SUPT20HL2: variants seen among roughly 807,000 people sequenced by gnomAD.
The protein encoded by SUPT20HL2 is transcription factor SPT20 homolog-like 2.
For missense variants in SUPT20HL2, 288 were observed against 127.4 expected (o/e 2.26, Z -6.07); for synonymous variants, 125 against 51.6 (o/e 2.42, Z -6.10).
chrX:24,314,062 C>A lies in SUPT20HL2; in HGVS notation c.-747G>T, dbSNP rs765497657. 1 of 363,226 alleles carries A rather than the reference C, an allele frequency of 2.8e-6. No homozygotes were observed. The allele number at this position is 363,226 out of a possible 1,213,427, so 29.9% of individuals were successfully genotyped here. On this transcript the variant is annotated 5_prime_UTR_variant, in exon 1 of 1. Transcript: ENST00000486479. ...GGGCTTCGCGTCTCTGAGTGCTGCACCGGAAATGAACGGGAGGGCCGGGGT... is the reference window on the plus strand; with the variant it reads ...GGGCTTCGCGTCTCTGAGTGCTGCAACGGAAATGAACGGGAGGGCCGGGGT...
rs1939091400 is a variant in SUPT20HL2 at position 24,309,356 on chromosome X, CAAAG to C, written c.*1502_*1505del. On this transcript the variant is annotated 3_prime_UTR_variant, in exon 1 of 1. Coordinates refer to ENST00000486479, the MANE Select transcript of SUPT20HL2 (RefSeq NM_001136233.3). ...TGATGCATCAACAAAGAGAAAAAGA[CAAAG>C]AAAAAGACGGGGGTTCTACTTAAGA... 9.1e-6 allele frequency among the ~76,000 whole-genome samples: 1 copy of C among 110,171 alleles called. No individual in the cohort carries two copies. Among genetic ancestry groups the C allele is most frequent in the Non-Finnish European group, 1.9e-5 (1 of 52,213 alleles).
rs1445795524 is a variant in SUPT20HL2, at chrX:24,310,756, G to A, written c.*106C>T. On this transcript the variant is annotated 3_prime_UTR_variant, in exon 1 of 1. Coordinates refer to ENST00000486479, the MANE Select transcript of SUPT20HL2 (RefSeq NM_001136233.3). ...CTGTGTAAAGTGTGTATTTTAAAAT[G>A]TAAAATACCAAAACATGAGAAAAAA... 1 of 265,681 alleles carries A rather than the reference G, an allele frequency of 3.8e-6. No individual in the cohort carries two copies. Among genetic ancestry groups the A allele is most frequent in the African/African-American group, 2.9e-5 (1 of 34,856 alleles). The allele number at this position is 265,681 out of a possible 1,213,427, so 21.9% of individuals were successfully genotyped here.
At position 24,312,436 on chromosome X, in the gene SUPT20HL2, T is replaced by C. The variant is rs772721257; in HGVS notation, c.880A>G (p.Lys294Glu). 1.0e-5 allele frequency: 4 copies of C among 384,780 alleles called. No homozygotes were observed. Among genetic ancestry groups the C allele is most frequent in the Non-Finnish European group, 2.1e-5 (4 of 192,321 alleles). 31.7% of individuals were successfully genotyped at this position (384,780 alleles called of 1,213,427 possible). Residue 294 changes from lysine (K) to glutamate (E), a missense_variant, in exon 1 of 1, where the codon AAA (lysine) becomes GAA (glutamate). Physicochemically the swap from Lys to Glu is moderately conservative, Grantham distance 56. Transcript: ENST00000486479. The part of the protein sequence containing the change: ...TKAGSCVDTW[K>E]GRPCDLAVPS... ...ACGGCCAAATCACAGGGTCTGCCTTTCCACGTGTCTACACAACTTCCCGCT... is the reference window on the plus strand; with the variant it reads ...ACGGCCAAATCACAGGGTCTGCCTTCCCACGTGTCTACACAACTTCCCGCT...
rs766188241 is a variant in SUPT20HL2, at chrX:24,311,791, G to A, written c.1525C>T (p.Pro509Ser). The stretch of plus-strand genomic sequence containing the variant: ...AAAGCAGGAGCAGCAGCAGGAGCAG[G>A]AGCAGGAGCAGGAGCAGCAGCAGCT... ...AVAAAAPAPA[P>S]APAAAPALAA... Residue 509 changes from proline to serine, a missense_variant, in exon 1 of 1, where the codon CCT (proline) becomes TCT (serine). Transcript: ENST00000486479. The A allele has an allele frequency of 1.2e-5, 4 of 334,371 alleles. No individual in the cohort carries two copies. Among genetic ancestry groups the A allele is most frequent in the African/African-American group, 1.1e-4 (4 of 37,889 alleles). 27.6% of individuals were successfully genotyped at this position (334,371 alleles called of 1,213,427 possible).
rs1374725214 is a variant in SUPT20HL2, at chrX:24,311,758, C to G, written c.1558G>C (p.Ala520Pro). The G allele has an allele frequency of 1.1e-5, 4 of 353,317 alleles. No individual in the cohort carries two copies. The allele number at this position is 353,317 out of a possible 1,213,427, so 29.1% of individuals were successfully genotyped here. Residue 520 changes from alanine (A) to proline (P), a missense_variant, in exon 1 of 1, where the codon GCT becomes CCT. Transcript: ENST00000486479. Reference sequence around the variant, plus strand: ...CCACCGGCCGCCGCCGCCACAGCAGCAGCAGCTAAAGCAGGAGCAGCAGCA... The same window carrying G: ...CCACCGGCCGCCGCCGCCACAGCAGGAGCAGCTAAAGCAGGAGCAGCAGCA... ...APAAAPALAA[A>P]AVAAAAGGAA...
In SUPT20HL2 at chrX:24,312,785, C is replaced by A. The variant is rs2695486; in HGVS notation, c.531G>T (p.Glu177Asp). The A allele has an allele frequency of 1.1e-4, 43 of 384,980 alleles. No homozygotes were observed. Among genetic ancestry groups the A allele is most frequent in the South Asian group, 5.6e-4 (24 of 42,607 alleles). 31.7% of individuals were successfully genotyped at this position (384,980 alleles called of 1,213,427 possible). A position where few individuals can be genotyped will look rare whatever the true frequency, so the allele number is the denominator to read the frequency against. Residue 177 changes from glutamate to aspartate, a missense_variant, in exon 1 of 1, where the codon GAG (glutamate) becomes GAT (aspartate). Glu to Asp is a conservative substitution (Grantham distance 45). Transcript: ENST00000486479. ...CGCCATCTCTTGTCATCGTCTTCAC[C>A]TCAGGGGCTAAAGTCTGCATGGTTG... ...LRPTMQTLAP[E>D]VKTMTRDGEK...
At position 24,312,754 on chromosome X, in the gene SUPT20HL2, A is replaced by G; in HGVS notation, c.562T>C (p.Trp188Arg). ...VKTMTRDGEK[W>R]SQEDKFPLES... ...AGAGGAAATTTGTCTTCCTGGCTCC[A>G]TTTCTCGCCATCTCTTGTCATCGTC... The change falls in exon 1 of 1, where the codon TGG becomes CGG. Residue 188 changes from tryptophan to arginine, a missense_variant. By Grantham distance (101) the Trp-to-Arg change is moderately radical. Transcript: ENST00000486479. 2.6e-6 allele frequency: 1 copy of G among 386,842 alleles called. No homozygotes were observed. The highest frequency in any genetic ancestry group is 5.2e-6 in the Non-Finnish European group (1 of 192,566). 31.9% of individuals were successfully genotyped at this position (386,842 alleles called of 1,213,427 possible). A position where few individuals can be genotyped will look rare whatever the true frequency, so the allele number is the denominator to read the frequency against.
chrX:24,309,746 G>GAAAAAAAAAAAAAAAAAAAAAAAAAA lies in SUPT20HL2; in HGVS notation c.*1115_*1116insTTTTTTTTTTTTTTTTTTTTTTTTTT. Reference sequence around the variant, plus strand: ...AAAATAATAAAAATAAAAAAAAAAAGAAAAAAAAAAAAAAAAAAAAAAACA... The same window carrying GAAAAAAAAAAAAAAAAAAAAAAAAAA: ...AAAATAATAAAAATAAAAAAAAAAAGAAAAAAAAAAAAAAAAAAAAAAAAAAAAAAAAAAAAAAAAAAAAAAAAACA... On this transcript the variant is annotated 3_prime_UTR_variant, in exon 1 of 1. Transcript: ENST00000486479. 3.2e-4 allele frequency among the ~76,000 whole-genome samples: 7 copies of GAAAAAAAAAAAAAAAAAAAAAAAAAA among 21,782 alleles called. No individual in the cohort carries two copies. Among genetic ancestry groups the GAAAAAAAAAAAAAAAAAAAAAAAAAA allele is most frequent in the African/African-American group, 1.2e-3 (5 of 4,154 alleles). 18.9% of individuals were successfully genotyped at this position (21,782 alleles called of 115,157 possible). A position where few individuals can be genotyped will look rare whatever the true frequency, so the allele number is the denominator to read the frequency against.
Position 24,308,735 on chromosome X carries a change from T to A in SUPT20HL2, c.*2127A>T, listed in dbSNP as rs989757896. On this transcript the variant is annotated 3_prime_UTR_variant, in exon 1 of 1. Coordinates refer to ENST00000486479, the MANE Select transcript of SUPT20HL2 (RefSeq NM_001136233.3). ...TTCAAGGTTTTAACAGAGCAAAATA[T>A]GAGGTGCTAGAACAGATGCTTGTAC... Among the ~76,000 whole-genome samples the A allele has an allele frequency of 1.8e-5, 2 of 111,948 alleles. No homozygotes were observed. Among genetic ancestry groups the A allele is most frequent in the Non-Finnish European group, 3.8e-5 (2 of 53,274 alleles).
rs1038290528 is a variant in SUPT20HL2 at position 24,309,219 on chromosome X, TAAAAA to T, written c.*1638_*1642del. ...TGTTCTGTGATTACCCCTTAGTTGT[TAAAAA>T]AGAAAAAAGAAAGGGAAGACAAAGG... On this transcript the variant is annotated 3_prime_UTR_variant, in exon 1 of 1. Transcript: ENST00000486479. 9.2e-6 allele frequency among the ~76,000 whole-genome samples: 1 copy of T among 109,048 alleles called. No individual in the cohort carries two copies. The highest frequency in any genetic ancestry group is 1.9e-5 in the Non-Finnish European group (1 of 51,855). The allele number at this position is 109,048 out of a possible 115,157, so 94.7% of individuals were successfully genotyped here.
At position 24,309,690 on chromosome X, in the gene SUPT20HL2, ATT is replaced by A. The variant is rs1210765267; in HGVS notation, c.*1170_*1171del. Among the ~76,000 whole-genome samples, 16 of 68,408 alleles carry A rather than the reference ATT, an allele frequency of 2.3e-4. No homozygotes were observed. The highest frequency in any genetic ancestry group is 3.4e-4 in the Admixed American group (2 of 5,897). 59.4% of individuals were successfully genotyped at this position (68,408 alleles called of 115,157 possible). Reference sequence around the variant, plus strand: ...CTTAGAGTATAATAAAAAAAAAAAAATTAAAAAAAAAAATTAAAAAAAAAAAG... The same window carrying A: ...CTTAGAGTATAATAAAAAAAAAAAAAAAAAAAAAAAATTAAAAAAAAAAAG... On this transcript the variant is annotated 3_prime_UTR_variant, in exon 1 of 1. Transcript: ENST00000486479.
At position 24,311,281 on chromosome X, in the gene SUPT20HL2, G is replaced by A. The variant is rs369333868; in HGVS notation, c.2035C>T (p.Pro679Ser). The A allele has an allele frequency of 3.3e-4, 129 of 386,309 alleles. No homozygotes were observed. Among genetic ancestry groups the A allele is most frequent in the African/African-American group, 2.7e-3 (107 of 39,598 alleles). The allele number at this position is 386,309 out of a possible 1,213,427, so 31.8% of individuals were successfully genotyped here. A position where few individuals can be genotyped will look rare whatever the true frequency, so the allele number is the denominator to read the frequency against. The change falls in exon 1 of 1, where the codon CCC (proline) becomes TCC (serine). Residue 679 changes from proline (P) to serine (S), a missense_variant. By Grantham distance (74) the Pro-to-Ser change is moderately conservative. Coordinates refer to ENST00000486479, the MANE Select transcript of SUPT20HL2 (RefSeq NM_001136233.3). ...GGCTGAGGAGGGTGAGCAGCTGTGG[G>A]CTGCTGGAGCTGCTGCAGGGAAACC... ...QLVSLQQLQQ[P>S]TAAHPPQPGP... is the part of the protein sequence containing the mutation.
At position 24,313,955 on chromosome X, in the gene SUPT20HL2, A is replaced by G. The variant is rs1450467574; in HGVS notation, c.-640T>C. 1 of 362,241 alleles carries G rather than the reference A, an allele frequency of 2.8e-6. No homozygotes were observed. Among genetic ancestry groups the G allele is most frequent in the Non-Finnish European group, 5.3e-6 (1 of 188,065 alleles). The allele number at this position is 362,241 out of a possible 1,213,427, so 29.9% of individuals were successfully genotyped here. On this transcript the variant is annotated 5_prime_UTR_variant, in exon 1 of 1. Transcript: ENST00000486479. Reference sequence around the variant, plus strand: ...AGGCGCGTCTGGGCACCTGCCCAGAAACCTGCCCCCAGGGAAGCGCTACCC... The same window carrying G: ...AGGCGCGTCTGGGCACCTGCCCAGAGACCTGCCCCCAGGGAAGCGCTACCC...
rs932578757 is a variant in SUPT20HL2 at position 24,310,229 on chromosome X, A to G, written c.*633T>C. ...TGCCATATGATTCCACTTCCATGAAATGGCCAGGGTAGTCAACTCATAGAG... is the reference window on the plus strand; with the variant it reads ...TGCCATATGATTCCACTTCCATGAAGTGGCCAGGGTAGTCAACTCATAGAG... On this transcript the variant is annotated 3_prime_UTR_variant, in exon 1 of 1. Coordinates refer to ENST00000486479, the MANE Select transcript of SUPT20HL2 (RefSeq NM_001136233.3). Among the ~76,000 whole-genome samples the G allele has an allele frequency of 8.1e-5, 9 of 111,480 alleles. No individual in the cohort carries two copies. Among genetic ancestry groups the G allele is most frequent in the African/African-American group, 2.9e-4 (9 of 30,626 alleles).
chrX:24,309,728 T>TAAAAAAAAAAAAA lies in SUPT20HL2; in HGVS notation c.*1133_*1134insTTTTTTTTTTTTT, dbSNP rs1939098610. ...ATTAAAAAAAAAAAGAAAAAAATAA[T>TAAAAAAAAAAAAA]AAAAATAAAAAAAAAAAGAAAAAAA... is the stretch of plus-strand genomic sequence containing the variant. On this transcript the variant is annotated 3_prime_UTR_variant, in exon 1 of 1. Coordinates refer to ENST00000486479, the MANE Select transcript of SUPT20HL2 (RefSeq NM_001136233.3). Among the ~76,000 whole-genome samples, 4 of 12,762 alleles carry TAAAAAAAAAAAAA rather than the reference T, an allele frequency of 3.1e-4. No homozygotes were observed. The highest frequency in any genetic ancestry group is 4.5e-4 in the Non-Finnish European group (4 of 8,895). 11.1% of individuals were successfully genotyped at this position (12,762 alleles called of 115,157 possible). A position where few individuals can be genotyped will look rare whatever the true frequency, so the allele number is the denominator to read the frequency against.
chrX:24,311,919 T>G lies in SUPT20HL2; in HGVS notation c.1397A>C (p.Gln466Pro), dbSNP rs1364877156. 1.1e-5 allele frequency: 4 copies of G among 378,813 alleles called. No homozygotes were observed. The highest frequency in any genetic ancestry group is 2.1e-5 in the Non-Finnish European group (4 of 188,708). The allele number at this position is 378,813 out of a possible 1,213,427, so 31.2% of individuals were successfully genotyped here. ...AATCTTTCCTGAGCTTGAGGGAAGTTGGGTGCGGGGAGGTGGATGTTTCTC... is the reference window on the plus strand; with the variant it reads ...AATCTTTCCTGAGCTTGAGGGAAGTGGGGTGCGGGGAGGTGGATGTTTCTC... ...KGEKHPPPRT[Q>P]LPSSSGKISS... is the part of the protein sequence containing the mutation. Residue 466 changes from glutamine (Q) to proline (P), a missense_variant, in exon 1 of 1, where the codon CAA becomes CCA. Coordinates refer to ENST00000486479, the MANE Select transcript of SUPT20HL2 (RefSeq NM_001136233.3).
rs930355872 is a variant in SUPT20HL2, at chrX:24,311,073, A to G, written c.2243T>C (p.Leu748Ser). ...PQQGVQLPFV[L>S]GQQPQPLLLL... ...CAGCAGCGGCTGTGGCTGCTGCCCCAAGACAAAGGGGAGCTGGACACCCTG... is the reference window on the plus strand; with the variant it reads ...CAGCAGCGGCTGTGGCTGCTGCCCCGAGACAAAGGGGAGCTGGACACCCTG... The change falls in exon 1 of 1, where the codon TTG becomes TCG. Residue 748 changes from leucine to serine, a missense_variant. Coordinates refer to ENST00000486479, the MANE Select transcript of SUPT20HL2 (RefSeq NM_001136233.3). 2.7e-6 allele frequency: 1 copy of G among 371,587 alleles called. No individual in the cohort carries two copies. The highest frequency in any genetic ancestry group is 2.4e-5 in the South Asian group (1 of 40,855). The allele number at this position is 371,587 out of a possible 1,213,427, so 30.6% of individuals were successfully genotyped here. A position where few individuals can be genotyped will look rare whatever the true frequency, so the allele number is the denominator to read the frequency against.
Position 24,312,612 on chromosome X carries a change from A to G in SUPT20HL2, c.704T>C (p.Met235Thr). 2.6e-6 allele frequency: 1 copy of G among 386,834 alleles called. No homozygotes were observed. The highest frequency in any genetic ancestry group is 2.3e-5 in the South Asian group (1 of 42,776). 31.9% of individuals were successfully genotyped at this position (386,834 alleles called of 1,213,427 possible). Residue 235 changes from methionine to threonine, a missense_variant, in exon 1 of 1, where the codon ATG (methionine) becomes ACG (threonine). Coordinates refer to ENST00000486479, the MANE Select transcript of SUPT20HL2 (RefSeq NM_001136233.3). ...YNKQKMNTDP[M>T]EQCLQRYSWP... ...CGAATACCTCTGGAGGCACTGTTCCATCGGGTCGGTATTCATCTTTTGCTT... is the reference window on the plus strand; with the variant it reads ...CGAATACCTCTGGAGGCACTGTTCCGTCGGGTCGGTATTCATCTTTTGCTT...
chrX:24,311,738 G>A lies in SUPT20HL2; in HGVS notation c.1578C>T (p.Ala526=), dbSNP rs1021517794. 6.5e-5 allele frequency: 23 copies of A among 354,208 alleles called. No individual in the cohort carries two copies. The highest frequency in any genetic ancestry group is 1.0e-4 in the Non-Finnish European group (18 of 176,989). 29.2% of individuals were successfully genotyped at this position (354,208 alleles called of 1,213,427 possible). A position where few individuals can be genotyped will look rare whatever the true frequency, so the allele number is the denominator to read the frequency against. ...ALAAAAVAAA[A]GGAAPSHSQK... Reference sequence around the variant, plus strand: ...GAGAATGGCTTGGTGCCGCCCCACCGGCCGCCGCCGCCACAGCAGCAGCAG... The same window carrying A: ...GAGAATGGCTTGGTGCCGCCCCACCAGCCGCCGCCGCCACAGCAGCAGCAG... The change falls in exon 1 of 1, where the codon GCC becomes GCT. Residue 526 remains alanine (A), a synonymous_variant. Transcript: ENST00000486479.
Sources: allele counts gnomAD v4.1 joint callset (sites outside exome capture counted in the v4.1 genomes callset), GRCh38; gene constraint gnomAD v4.1.1; transcripts MANE v1.5; gene names NCBI Gene and HGNC (gene_info 2026-07-23, HGNC 2026-07-21).